Variants in PTPRC observed in about 807,000 individuals in gnomAD.
PTPRC encodes receptor-type tyrosine-protein phosphatase C.
Under a neutral mutation model 155.9 loss-of-function variants are expected in PTPRC, and 44 were observed. The observed-to-expected ratio is 0.28, with a 90% CI of 0.22 to 0.36. The LOEUF (loss-of-function observed/expected upper bound fraction) is 0.36. PTPRC is among the 10% of genes least tolerant of loss of function. The pLI, the probability that PTPRC is intolerant of heterozygous loss-of-function variation, is 1.00. For missense variants in PTPRC, 1,401 were observed against 1,564.6 expected, an observed-to-expected ratio of 0.90 and a Z score of 1.76; for synonymous variants, 525 against 533.1, an observed-to-expected ratio of 0.98 and a Z score of 0.21.
chr1:198,715,769 C>A (rs1036957525), intron 12 of PTPRC, among the ~76,000 whole-genome samples: 6 of 151,948 alleles, frequency 3.9e-5, no homozygotes, highest in South Asian at 4.2e-4. Context: ...TCATGTATAC[C>A]CCTTGAAACA....
chr1:198,670,805 G>T (rs1664597811), intron 2 of PTPRC, among the ~76,000 whole-genome samples: 1 of 152,044 alleles, frequency 6.6e-6, no homozygotes, highest in Non-Finnish European at 1.5e-5. Flanking sequence ...GTATTTGTGG[G>T]TTTTGCATCC....
intron 23 of PTPRC, among the ~76,000 whole-genome samples, chr1:198,736,350 A>G (rs1654637269): frequency 1.3e-5 from 2 of 151,584 alleles, no homozygotes; most frequent in African/African-American, 4.8e-5. Context: ...TACCCTTCCA[A>G]TCCTTTGGTA....
chr1:198,732,245 G>A (rs1023552632), intron 18 of PTPRC, 55 bp from the exon 19 acceptor site: 10 of 1,354,702 alleles, frequency 7.4e-6, no homozygotes, highest in South Asian at 1.2e-5. Context: ...ATTGGTAAGG[G>A]GGAAATTATT....
chr1:198,755,855 A>G (rs1655622309), intron 32 of PTPRC, 51 bp from the exon 33 acceptor site: 2 of 1,531,686 alleles, frequency 1.3e-6, no homozygotes, highest in Non-Finnish European at 9.0e-7. Flanking sequence ...TGGCATAAAA[A>G]TAATGACATC....
At chr1:198,679,929 G>T in intron 2 of PTPRC, 1 of 612,804 alleles carries the variant, frequency 1.6e-6, no homozygotes, top group Non-Finnish European at 2.9e-6. Flanking sequence ...TCAGCACTTT[G>T]CCCAGCTCGT....
intron 23 of PTPRC, among the ~76,000 whole-genome samples, chr1:198,737,011 T>A (rs904333161): frequency 6.6e-6 from 1 of 151,748 alleles, no homozygotes; most frequent in Admixed American, 6.6e-5. Flanking sequence ...TCTATTCAGA[T>A]CTTTTGCCTA....
At position 198,677,597 on chromosome 1, in the gene PTPRC, C is replaced by T. The variant is rs1033645832; in HGVS notation, c.74-14750C>T. ...TAAGAATAGGGTAAGCATTCTTCCT[C>T]CCTGCTTCCATAGAAAGTAGGAAAC... On this transcript the variant is annotated intron_variant, in intron 2 of 32. Coordinates refer to ENST00000442510, the MANE Select transcript of PTPRC (RefSeq NM_002838.5). Among the ~76,000 whole-genome samples the T allele has an allele frequency of 5.3e-5, 8 of 152,002 alleles. No individual in the cohort carries two copies. In the South Asian group the frequency reaches 6.2e-4, roughly 12 times the overall value.
At chr1:198,686,665 C>G (rs1665641985) in intron 2 of PTPRC, among the ~76,000 whole-genome samples, 1 of 152,112 alleles carries the variant, frequency 6.6e-6, no homozygotes. Flanking sequence ...CAGTATTGTT[C>G]ATAAAGAATG....
rs1654693444 is a variant in PTPRC, at chr1:198,737,339, C to A, written c.2403+2087C>A. Among the ~76,000 whole-genome samples, 3 of 145,150 alleles carry A rather than the reference C, an allele frequency of 2.1e-5. No individual in the cohort carries two copies. In the East Asian group the frequency reaches 6.2e-4, roughly 30 times the overall value. ...ATAGATTAAGGTCTTAGATCTAAGTCTAATCCATTTTTTTTATTTAATGTT... is the reference window on the plus strand; with the variant it reads ...ATAGATTAAGGTCTTAGATCTAAGTATAATCCATTTTTTTTATTTAATGTT... On this transcript the variant is annotated intron_variant, in intron 23 of 32. Transcript: ENST00000442510.
intron 2 of PTPRC, among the ~76,000 whole-genome samples, chr1:198,690,353 C>T (rs998664585): frequency 4.6e-5 from 7 of 151,570 alleles, no homozygotes; most frequent in Admixed American, 3.3e-4. Context: ...ATAAGGAGAG[C>T]GGAATGCTGT....
chr1:198,701,062 T>G (rs1221304968), intron 5 of PTPRC, among the ~76,000 whole-genome samples: 1 of 152,196 alleles, frequency 6.6e-6, no homozygotes, highest in Non-Finnish European at 1.5e-5. Context: ...TTTTAAAGGA[T>G]GAATAAATGA....
At chr1:198,656,910 A>C (rs1023957901) in intron 2 of PTPRC, among the ~76,000 whole-genome samples, 3 of 151,878 alleles carry the variant, frequency 2.0e-5, no homozygotes, top group African/African-American at 7.2e-5. Context: ...AAAGAACATT[A>C]GGCAAGGAGA....
chr1:198,696,879 T>G lies in PTPRC; in HGVS notation c.268T>G (p.Leu90Val). The change falls in exon 4 of 33, where the codon TTG (leucine) becomes GTG (valine). Residue 90 changes from leucine to valine, a missense_variant. By Grantham distance (32) the Leu-to-Val change is conservative. Transcript: ENST00000442510. ...NTSTQVSPDS[L>V]DNASAFNTTG... ...TTCCACCCAAGTATCCCCGGACTCT[T>G]TGGATAATGCTAGTGCTTTTAATAC... The G allele has an allele frequency of 6.2e-7, 1 of 1,614,048 alleles. No homozygotes were observed. The highest frequency in any genetic ancestry group is 1.1e-5 in the South Asian group (1 of 91,080).
chr1:198,721,845 A>G (rs189811875), intron 14 of PTPRC, among the ~76,000 whole-genome samples: 19 of 151,268 alleles, frequency 1.3e-4, no homozygotes, highest in African/African-American at 4.6e-4. Context: ...TTTTACTTAA[A>G]TTTTTTTGGT....
At chr1:198,668,528 G>A (rs1664451446) in intron 2 of PTPRC, among the ~76,000 whole-genome samples, 1 of 152,152 alleles carries the variant, frequency 6.6e-6, no homozygotes, top group Admixed American at 6.5e-5. Context: ...ATTTTGCCAA[G>A]CATCTTTCAT....
rs536605152 is a variant in PTPRC, at chr1:198,696,259, C to A, written c.101-453C>A. Among the ~76,000 whole-genome samples the A allele has an allele frequency of 1.1e-4, 16 of 150,638 alleles. No homozygotes were observed. In the South Asian group the frequency reaches 3.4e-3, roughly 32 times the overall value. ...GTTTTGTCTTTTTTTTCCCCTGGAA[C>A]CCTAGCCCTGCTAAAAACCTTCTAA... On this transcript the variant is annotated intron_variant, in intron 3 of 32. Coordinates refer to ENST00000442510, the MANE Select transcript of PTPRC (RefSeq NM_002838.5).
In PTPRC at chr1:198,755,823, T is replaced by C. The variant is rs1485711209; in HGVS notation, c.3646-83T>C. The C allele has an allele frequency of 1.2e-5, 17 of 1,379,824 alleles. No individual in the cohort carries two copies. The Admixed American group carries it at 2.9e-4, about 23-fold the overall frequency. 85.5% of individuals were successfully genotyped at this position (1,379,824 alleles called of 1,614,324 possible). On this transcript the variant is annotated intron_variant, in intron 32 of 32. Transcript: ENST00000442510. ...ATCCAATACTTCCACAAATAAATCA[T>C]TAGTTCTTGCTAATCTTCATCTGGC...
intron 2 of PTPRC, among the ~76,000 whole-genome samples, chr1:198,669,331 A>G (rs1469377080): frequency 2.6e-5 from 4 of 152,144 alleles, no homozygotes; most frequent in Non-Finnish European, 5.9e-5. Context: ...GTTTTCTGCC[A>G]GCCTTTTCTG....
At chr1:198,657,714 A>G (rs949455519) in intron 2 of PTPRC, 1 of 152,106 alleles carries the variant, frequency 6.6e-6, no homozygotes, top group Admixed American at 6.5e-5. Flanking sequence ...TTCTTGCTAA[A>G]TATTCTTCTC....
Sources: allele counts gnomAD v4.1 joint callset (sites outside exome capture counted in the v4.1 genomes callset), GRCh38; gene constraint gnomAD v4.1.1; transcripts MANE v1.5; gene names NCBI Gene and HGNC (gene_info 2026-07-23, HGNC 2026-07-21).